SOX6: variants seen among roughly 807,000 people sequenced by gnomAD.
The protein encoded by SOX6 is SRY-box transcription factor 6.
SOX6 carries 11 observed loss-of-function variants against 97.8 expected under a neutral mutation model. The observed-to-expected ratio is 0.11, with a 90% confidence interval of 0.07 to 0.19. The LOEUF (loss-of-function observed/expected upper bound fraction) is 0.19. SOX6 is among the 10% of genes least tolerant of loss of function. The pLI is 1.00. For missense variants in SOX6, 810 were observed against 1,039.5 expected, an observed-to-expected ratio of 0.78 and a Z score of 3.04; for synonymous variants, 360 against 371.4, an observed-to-expected ratio of 0.97 and a Z score of 0.35.
intron 3 of SOX6, chr11:16,315,573 C>T (rs1306058051): frequency 1.3e-5 from 2 of 152,160 alleles, no homozygotes; most frequent in Non-Finnish European, 2.9e-5. Flanking sequence ...ATAGAGATTG[C>T]TGCATATCTC....
chr11:15,981,745 A>G (rs1853662284), intron 15 of SOX6, among the ~76,000 whole-genome samples: 1 of 152,098 alleles, frequency 6.6e-6, no homozygotes, highest in Non-Finnish European at 1.5e-5. Flanking sequence ...TAAAATGCAA[A>G]TGTTCAAATC....
intron 3 of SOX6, among the ~76,000 whole-genome samples, chr11:16,625,425 C>T (rs989349594): frequency 6.6e-6 from 1 of 152,150 alleles, no homozygotes; most frequent in African/African-American, 2.4e-5. Context: ...CTTGTAATTT[C>T]TTAAGAGGTA....
chr11:16,489,007 T>C (rs1229900132), intron 4 of SOX6, among the ~76,000 whole-genome samples: 3 of 152,026 alleles, frequency 2.0e-5, no homozygotes, highest in Non-Finnish European at 4.4e-5. Context: ...ACTAGGTACA[T>C]GATGTAAAGC....
At chr11:16,530,763 T>C (rs1861226123) in intron 4 of SOX6, among the ~76,000 whole-genome samples, 1 of 151,812 alleles carries the variant, frequency 6.6e-6, no homozygotes, top group Admixed American at 6.6e-5. Context: ...GACTATCTTG[T>C]CTATAATCTA....
At chr11:16,428,816 T>C (rs1252049765) in intron 1 of SOX6, among the ~76,000 whole-genome samples, 2 of 152,182 alleles carry the variant, frequency 1.3e-5, no homozygotes, top group African/African-American at 4.8e-5. Flanking sequence ...CAGGCTCTTT[T>C]TTGGTTCCAT....
intron 13 of SOX6, 32 bp downstream of exon 13, chr11:16,014,910 C>T (rs764977628): frequency 6.3e-7 from 1 of 1,576,866 alleles, no homozygotes; most frequent in Non-Finnish European, 8.7e-7. Flanking sequence ...ACACATGGAG[C>T]AGCAGAAAAG....
chr11:16,289,768 A>G (rs534822620), intron 3 of SOX6, among the ~76,000 whole-genome samples: 2 of 152,148 alleles, frequency 1.3e-5, no homozygotes, highest in African/African-American at 2.4e-5. Flanking sequence ...TAAAAGCAGA[A>G]GTTGATTGGC....
intron 2 of SOX6, among the ~76,000 whole-genome samples, chr11:16,734,215 C>CA (rs1456464965): frequency 6.6e-6 from 1 of 152,018 alleles, no homozygotes; most frequent in Non-Finnish European, 1.5e-5. Flanking sequence ...ATCTGCCTGC[C>CA]CAATGGACAG....
intron 3 of SOX6, among the ~76,000 whole-genome samples, chr11:16,699,478 G>C (rs1848077297): frequency 6.6e-6 from 1 of 152,102 alleles, no homozygotes. Flanking sequence ...CTTTACTCAA[G>C]TTCTACTGAA....
intron 4 of SOX6, among the ~76,000 whole-genome samples, chr11:16,538,874 T>C (rs999422877): frequency 2.0e-5 from 3 of 152,194 alleles, no homozygotes; most frequent in South Asian, 2.1e-4. Context: ...ACAACAATAA[T>C]GGGAGACTTT....
At chr11:16,196,430 A>G (rs1851775763) in intron 4 of SOX6, among the ~76,000 whole-genome samples, 1 of 152,192 alleles carries the variant, frequency 6.6e-6, no homozygotes, top group Non-Finnish European at 1.5e-5. Context: ...TTTTCCTTAT[A>G]ATCTATTTTT....
intron 6 of SOX6, among the ~76,000 whole-genome samples, chr11:16,138,178 T>G (rs1310191600): frequency 6.6e-6 from 1 of 152,204 alleles, no homozygotes; most frequent in African/African-American, 2.4e-5. Context: ...ATAAAGAAGC[T>G]TAATGAATTA....
intron 2 of SOX6, among the ~76,000 whole-genome samples, chr11:16,719,200 A>G (rs1848240996): frequency 6.6e-6 from 1 of 152,228 alleles, no homozygotes; most frequent in African/African-American, 2.4e-5. Flanking sequence ...AAACCGATTC[A>G]TTACAGAATT....
chr11:16,629,362 T>C (rs191263734), intron 3 of SOX6, among the ~76,000 whole-genome samples: 1 of 152,236 alleles, frequency 6.6e-6, no homozygotes, highest in Admixed American at 6.5e-5. Flanking sequence ...TAATATAGTT[T>C]TTGTTTTTAA....
chr11:15,994,696 C>T (rs1854169067), intron 13 of SOX6, among the ~76,000 whole-genome samples: 1 of 151,814 alleles, frequency 6.6e-6, no homozygotes, highest in Non-Finnish European at 1.5e-5. Flanking sequence ...CTTCAAGGGC[C>T]CATTAAAACT....
intron 9 of SOX6, among the ~76,000 whole-genome samples, chr11:16,067,731 T>A (rs1368947063): frequency 6.6e-6 from 1 of 152,212 alleles, no homozygotes; most frequent in Non-Finnish European, 1.5e-5. Flanking sequence ...CATTATATGA[T>A]GTGATTATTA....
intron 2 of SOX6, among the ~76,000 whole-genome samples, 164 bp from the exon 3 acceptor site, chr11:16,318,817 C>A (rs1855827599): frequency 6.6e-6 from 1 of 151,970 alleles, no homozygotes; most frequent in Non-Finnish European, 1.5e-5. Context: ...ATAAAAAATA[C>A]AATTCTGATT....
At chr11:16,384,050 A>G (rs2134414155) in intron 1 of SOX6, among the ~76,000 whole-genome samples, 1 of 152,100 alleles carries the variant, frequency 6.6e-6, no homozygotes, top group South Asian at 2.1e-4. Flanking sequence ...TAGATGAGCC[A>G]TTGAGAAACG....
chr11:16,520,316 T>C (rs1861038954), intron 4 of SOX6, among the ~76,000 whole-genome samples: 1 of 152,216 alleles, frequency 6.6e-6, no homozygotes, highest in South Asian at 2.1e-4. Flanking sequence ...TCTTCCAGAA[T>C]TTTTATAGAT....
Sources: allele counts gnomAD v4.1 joint callset (sites outside exome capture counted in the v4.1 genomes callset), GRCh38; gene constraint gnomAD v4.1.1; transcripts MANE v1.5; gene names NCBI Gene and HGNC (gene_info 2026-07-23, HGNC 2026-07-21).